The following DNAI7 variants were observed in gnomAD, a reference collection of about 807,000 sequenced individuals.
The protein encoded by DNAI7 is dynein axonemal intermediate chain 7, also known as cancer susceptibility 1.
A neutral mutation model predicts 86.6 loss-of-function variants in DNAI7; 78 were observed. The observed-to-expected ratio is 0.90, with a 90% CI of 0.75 to 1.09. DNAI7 has a LOEUF of 1.09. Among genes scored for constraint, DNAI7 ranks in the 50% least tolerant of loss-of-function variants. The pLI is 0.00. For synonymous variants in DNAI7, 274 were observed against 273.0 expected (o/e 1.00, Z -0.04); for missense variants, 753 against 810.2 (o/e 0.93, Z 0.86).
intron 1 of DNAI7, among the ~76,000 whole-genome samples, chr12:25,192,517 A>T (rs1041508312): frequency 2.6e-5 from 4 of 152,148 alleles, no homozygotes; most frequent in Non-Finnish European, 5.9e-5. Context: ...TTATGGGCTG[A>T]ATTGTATTGC....
Position 25,108,614 on chromosome 12 carries a change from G to T in DNAI7, c.2103C>A (p.Ser701=), listed in dbSNP as rs1949435513. ...ACACAGAGTTGACAAACTGACAGTT[G>T]GAACTCCTGACTTTCTCCATTGCTT... The part of the protein sequence containing the change: ...SEEAMEKVRS[S]NCQFVNSVCH... The change falls in exon 16 of 16, where the codon TCC becomes TCA. Residue 701 remains serine, a synonymous_variant. Transcript: ENST00000395987. 6.2e-7 allele frequency: 1 copy of T among 1,613,510 alleles called. No homozygotes were observed. The highest frequency in any genetic ancestry group is 1.7e-5 in the Admixed American group (1 of 59,960).
intron 2 of DNAI7, among the ~76,000 whole-genome samples, chr12:25,165,413 G>C (rs951349857): frequency 2.0e-5 from 3 of 152,200 alleles, no homozygotes; most frequent in African/African-American, 7.2e-5. Context: ...TCCCCCAGGA[G>C]CTTGCTACAA....
intron 2 of DNAI7, 77 bp downstream of exon 2, chr12:25,190,532 ATATTT>A (rs1454336505): frequency 5.1e-6 from 3 of 583,070 alleles, no homozygotes; most frequent in African/African-American, 3.9e-5. Flanking sequence ...AACTATAAAA[ATATTT>A]TATAATTCTG....
chr12:25,150,928 C>T (rs1945464937), intron 6 of DNAI7, among the ~76,000 whole-genome samples: 1 of 152,110 alleles, frequency 6.6e-6, no homozygotes, highest in Non-Finnish European at 1.5e-5. Context: ...GTTCTAAATG[C>T]TGTATATGTT....
intron 12 of DNAI7, among the ~76,000 whole-genome samples, chr12:25,117,586 C>T (rs1312121826): frequency 6.6e-6 from 1 of 152,024 alleles, no homozygotes; most frequent in Non-Finnish European, 1.5e-5. Context: ...CAAGATTTTT[C>T]AAAATTCAGC....
chr12:25,113,452 C>T (rs1231089849), intron 13 of DNAI7, among the ~76,000 whole-genome samples: 2 of 152,082 alleles, frequency 1.3e-5, no homozygotes, highest in East Asian at 3.9e-4. Context: ...CAGGCGTGTG[C>T]CACCATGCCT....
chr12:25,153,583 G>A (rs1945815585), intron 6 of DNAI7, among the ~76,000 whole-genome samples: 1 of 152,134 alleles, frequency 6.6e-6, no homozygotes, highest in African/African-American at 2.4e-5. Flanking sequence ...CCATACAGGA[G>A]TCTCTGGTTC....
At chr12:25,108,239 G>C, downstream of DNAI7, 1 of 643,906 alleles carries the variant, frequency 1.6e-6, no homozygotes, top group Non-Finnish European at 2.6e-6. Flanking sequence ...CAATGGGGAA[G>C]AAGTCTGCCT....
chr12:25,179,404 A>G (rs1417251878), intron 2 of DNAI7, among the ~76,000 whole-genome samples: 1 of 152,188 alleles, frequency 6.6e-6, no homozygotes, highest in Non-Finnish European at 1.5e-5. Flanking sequence ...CCAATCTTCT[A>G]AATCCTTACT....
At chr12:25,134,127 T>G (rs1396635220) in intron 9 of DNAI7, among the ~76,000 whole-genome samples, 1 of 152,086 alleles carries the variant, frequency 6.6e-6, no homozygotes, top group Non-Finnish European at 1.5e-5. Context: ...TCCTAGTAAC[T>G]TGAACTATAG....
chr12:25,120,173 G>T (rs1291960883), intron 11 of DNAI7, among the ~76,000 whole-genome samples: 1 of 151,998 alleles, frequency 6.6e-6, no homozygotes, highest in African/African-American at 2.4e-5. Context: ...AATAACGGGG[G>T]AGAAAAGGTT....
intron 12 of DNAI7, among the ~76,000 whole-genome samples, chr12:25,117,943 T>TC (rs200220509): frequency 0.022 from 3,219 of 148,044 alleles, 112 homozygotes; most frequent in African/African-American, 0.075. Context: ...TTTTTCTTTT[T>TC]TTTTTTTTTT....
chr12:25,143,921 T>C (rs1944504459), intron 9 of DNAI7, among the ~76,000 whole-genome samples: 1 of 152,192 alleles, frequency 6.6e-6, no homozygotes, highest in South Asian at 2.1e-4. Context: ...AGATGTCAGA[T>C]TTTCAGAGAA....
intron 4 of DNAI7, 56 bp from the exon 5 acceptor site, chr12:25,155,468 A>G: frequency 1.1e-6 from 1 of 927,530 alleles, no homozygotes. Flanking sequence ...TTTATGTTTC[A>G]CAAGTAGCAT....
chr12:25,107,123 A>C (rs1949220104), downstream of DNAI7: 2 of 700,246 alleles, frequency 2.9e-6, no homozygotes, highest in Non-Finnish European at 4.6e-6. Flanking sequence ...GACAGTATTA[A>C]TCCTAATCAA....
intron 10 of DNAI7, 23 bp downstream of exon 10, chr12:25,123,188 T>G (rs754771260): frequency 4.8e-5 from 71 of 1,467,500 alleles, no homozygotes; most frequent in Non-Finnish European, 6.3e-5. Context: ...AAAGTTAAAT[T>G]CTTAAAATGT....
intron 15 of DNAI7, 29 bp downstream of exon 15, chr12:25,110,098 G>T: frequency 9.4e-7 from 1 of 1,069,088 alleles, no homozygotes; most frequent in Non-Finnish European, 1.4e-6. Context: ...GGAGGACAAA[G>T]TAGTTTTATG....
chr12:25,136,283 A>G (rs748210916), intron 9 of DNAI7, among the ~76,000 whole-genome samples: 2 of 152,196 alleles, frequency 1.3e-5, no homozygotes, highest in Non-Finnish European at 2.9e-5. Context: ...CAGTAGCTCC[A>G]CTGGGTGGAT....
At chr12:25,159,279 A>T (rs2141010730) in intron 3 of DNAI7, among the ~76,000 whole-genome samples, 1 of 152,302 alleles carries the variant, frequency 6.6e-6, no homozygotes, top group African/African-American at 2.4e-5. Context: ...GAGAATATTT[A>T]TTCGATTTGA....
Sources: allele counts gnomAD v4.1 joint callset (sites outside exome capture counted in the v4.1 genomes callset), GRCh38; gene constraint gnomAD v4.1.1; transcripts MANE v1.5; gene names NCBI Gene and HGNC (gene_info 2026-07-23, HGNC 2026-07-21).